Variants in SLC2A13 observed in about 807,000 individuals in gnomAD.
SLC2A13 encodes the protein solute carrier family 2 member 13.
A neutral mutation model predicts 64.4 loss-of-function variants in SLC2A13; 32 were observed. The observed-to-expected ratio is 0.50, with a 90% CI of 0.37 to 0.67. The LOEUF (loss-of-function observed/expected upper bound fraction) is 0.67. Among genes scored for constraint, SLC2A13 ranks in the 30% least tolerant of loss-of-function variants. The pLI is 0.00. For missense variants in SLC2A13, 743 were observed against 829.2 expected (o/e 0.90, Z 1.28); for synonymous variants, 338 against 327.1 (o/e 1.03, Z -0.36).
At chr12:39,851,107 C>A (rs1220489669) in intron 6 of SLC2A13, among the ~76,000 whole-genome samples, 1 of 152,058 alleles carries the variant, frequency 6.6e-6, no homozygotes, top group East Asian at 1.9e-4. Context: ...ACTATGTTGG[C>A]CAGGCTGGTC....
chr12:39,893,962 C>G (rs375294536), intron 4 of SLC2A13, among the ~76,000 whole-genome samples: 1 of 152,128 alleles, frequency 6.6e-6, no homozygotes, highest in Non-Finnish European at 1.5e-5. Flanking sequence ...GGAAGTAACA[C>G]AGATGCTGAA....
chr12:39,897,884 C>T (rs1944969046), intron 4 of SLC2A13, among the ~76,000 whole-genome samples: 2 of 151,744 alleles, frequency 1.3e-5, no homozygotes, highest in African/African-American at 2.4e-5. Flanking sequence ...CATAAAAATA[C>T]AATATATAAG....
intron 3 of SLC2A13, among the ~76,000 whole-genome samples, chr12:39,969,450 C>A (rs1452078739): frequency 6.6e-6 from 1 of 152,226 alleles, no homozygotes; most frequent in Non-Finnish European, 1.5e-5. Context: ...TCCACATCCT[C>A]TCCAGCACCT....
chr12:39,972,763 G>C (rs1946688140), intron 3 of SLC2A13, among the ~76,000 whole-genome samples: 1 of 152,016 alleles, frequency 6.6e-6, no homozygotes, highest in South Asian at 2.1e-4. Context: ...TTATAGAAAA[G>C]CTAATTAAAA....
intron 3 of SLC2A13, among the ~76,000 whole-genome samples, chr12:40,022,889 C>T (rs1233287883): frequency 6.6e-6 from 1 of 151,968 alleles, no homozygotes; most frequent in East Asian, 1.9e-4. Context: ...TTCACCCCTC[C>T]CCCCCCAAAA....
intron 4 of SLC2A13, 93 bp from the exon 5 acceptor site, chr12:39,872,054 AT>A (rs1180053125): frequency 2.2e-5 from 24 of 1,097,936 alleles, no homozygotes; most frequent in Non-Finnish European, 2.8e-5. Context: ...TTTGAAAAAA[AT>A]ATAAGGAGAA....
At chr12:39,938,468 A>T (rs1565551557) in intron 4 of SLC2A13, among the ~76,000 whole-genome samples, 1 of 149,414 alleles carries the variant, frequency 6.7e-6, no homozygotes, top group African/African-American at 2.5e-5. Flanking sequence ...AGGGATTTGA[A>T]TGTACAGCAA....
At position 40,033,059 on chromosome 12, in the gene SLC2A13, G is replaced by A. The variant is rs147683187; in HGVS notation, c.717-4550C>T. Among the ~76,000 whole-genome samples the A allele has an allele frequency of 1.6e-4, 24 of 152,212 alleles. No homozygotes were observed. In the East Asian group the frequency reaches 4.6e-3, roughly 29 times the overall value. ...GCCAAGCACTGTTCAGAACAGTTAG[G>A]AAACATTTACTCCCATGATTTCACA... On this transcript the variant is annotated intron_variant, in intron 2 of 9. Transcript: ENST00000280871.
intron 3 of SLC2A13, among the ~76,000 whole-genome samples, chr12:39,999,704 C>A (rs1159461538): frequency 1.3e-5 from 2 of 152,176 alleles, no homozygotes; most frequent in East Asian, 3.9e-4. Context: ...TTGCATTTGC[C>A]CTTTGTCTTG....
chr12:39,898,258 C>T (rs1347623628), intron 4 of SLC2A13, among the ~76,000 whole-genome samples: 2 of 151,998 alleles, frequency 1.3e-5, no homozygotes, highest in Non-Finnish European at 1.5e-5. Context: ...CAGAAAAGAA[C>T]CAATGAAAAG....
At chr12:40,031,790 TAAG>T (rs1947909253) in intron 2 of SLC2A13, among the ~76,000 whole-genome samples, 1 of 152,094 alleles carries the variant, frequency 6.6e-6, no homozygotes, top group South Asian at 2.1e-4. Flanking sequence ...GAAAGATAAA[TAAG>T]AGGCTGTTTT....
At chr12:39,993,936 T>A (rs980982104) in intron 3 of SLC2A13, among the ~76,000 whole-genome samples, 2 of 152,332 alleles carry the variant, frequency 1.3e-5, no homozygotes, top group Middle Eastern at 3.4e-3. Context: ...AAAGGAAACA[T>A]ACACAGATTT....
chr12:39,821,040 T>C (rs1942491317), intron 7 of SLC2A13, among the ~76,000 whole-genome samples: 1 of 152,048 alleles, frequency 6.6e-6, no homozygotes. Flanking sequence ...CATTTGGCAA[T>C]TCCTTTCATA....
intron 6 of SLC2A13, among the ~76,000 whole-genome samples, chr12:39,858,861 C>T (rs1943678236): frequency 6.6e-6 from 1 of 152,154 alleles, no homozygotes; most frequent in Non-Finnish European, 1.5e-5. Flanking sequence ...CCGCTTTGGC[C>T]TCCCAAAGTG....
chr12:39,984,329 T>G (rs75709713), intron 3 of SLC2A13, among the ~76,000 whole-genome samples: 2 of 143,950 alleles, frequency 1.4e-5, no homozygotes, highest in Admixed American at 6.9e-5. Flanking sequence ...TAAAGTATAA[T>G]AAAAAAAAAA....
chr12:39,830,670 T>C (rs556300365), intron 6 of SLC2A13, among the ~76,000 whole-genome samples: 4 of 146,906 alleles, frequency 2.7e-5, no homozygotes, highest in African/African-American at 9.8e-5. Flanking sequence ...ATGAAAATAG[T>C]TTTTTTTTCT....
chr12:39,934,544 T>C (rs1945885946), intron 4 of SLC2A13, among the ~76,000 whole-genome samples: 1 of 152,232 alleles, frequency 6.6e-6, no homozygotes, highest in South Asian at 2.1e-4. Context: ...AAAGAAGGCA[T>C]GCCTGAGGAC....
intron 6 of SLC2A13, among the ~76,000 whole-genome samples, chr12:39,846,859 A>T (rs909149481): frequency 2.0e-5 from 3 of 152,158 alleles, no homozygotes; most frequent in African/African-American, 7.2e-5. Context: ...AGCTCTTAGT[A>T]AAGTGATCCA....
intron 2 of SLC2A13, among the ~76,000 whole-genome samples, chr12:40,033,579 A>G (rs761929745): frequency 2.6e-5 from 4 of 152,188 alleles, no homozygotes; most frequent in Non-Finnish European, 5.9e-5. Context: ...TACTAAATCA[A>G]AACTCCCTAA....
Sources: allele counts gnomAD v4.1 joint callset (sites outside exome capture counted in the v4.1 genomes callset), GRCh38; gene constraint gnomAD v4.1.1; transcripts MANE v1.5; gene names NCBI Gene and HGNC (gene_info 2026-07-23, HGNC 2026-07-21).